TMTC1: variants seen among roughly 807,000 people sequenced by gnomAD.
TMTC1 encodes protein O-mannosyl-transferase TMTC1.
A neutral mutation model predicts 104.8 loss-of-function variants in TMTC1; 73 were observed. The ratio of observed to expected loss-of-function variants is 0.70; its 90% CI spans 0.58 to 0.85. The LOEUF (loss-of-function observed/expected upper bound fraction) is 0.85. Among genes scored for constraint, TMTC1 ranks in the 40% least tolerant of loss-of-function variants. The pLI is 0.00. For missense variants in TMTC1, 1,035 were observed against 1,096.1 expected (o/e 0.94, Z 0.79); for synonymous variants, 434 against 428.7 (o/e 1.01, Z -0.15).
intron 1 of TMTC1, among the ~76,000 whole-genome samples, chr12:29,777,710 T>G (rs1241038507): frequency 6.6e-6 from 1 of 152,206 alleles, no homozygotes; most frequent in East Asian, 1.9e-4. Context: ...AAAGGCAGTT[T>G]TTCATTTTTC....
chr12:29,565,607 G>C (rs1945490164), intron 9 of TMTC1, among the ~76,000 whole-genome samples: 1 of 152,200 alleles, frequency 6.6e-6, no homozygotes, highest in African/African-American at 2.4e-5. Flanking sequence ...AGCACTTTGG[G>C]AGGTCAAGAT....
chr12:29,569,396 T>G (rs1945605783), intron 9 of TMTC1, among the ~76,000 whole-genome samples: 1 of 152,190 alleles, frequency 6.6e-6, no homozygotes, highest in African/African-American at 2.4e-5. Flanking sequence ...TAATGGATAA[T>G]TGCTGGAATT....
chr12:29,665,088 A>G (rs1181490309), intron 5 of TMTC1, among the ~76,000 whole-genome samples: 1 of 152,186 alleles, frequency 6.6e-6, no homozygotes, highest in African/African-American at 2.4e-5. Flanking sequence ...TGATCCTTGG[A>G]TGTTCTCACC....
chr12:29,523,713 T>C (rs979713936), intron 11 of TMTC1, among the ~76,000 whole-genome samples: 3 of 152,176 alleles, frequency 2.0e-5, no homozygotes, highest in Admixed American at 6.5e-5. Flanking sequence ...TTTTTTAGGT[T>C]ATTTTTTTGA....
intron 10 of TMTC1, among the ~76,000 whole-genome samples, chr12:29,538,682 G>C (rs1486865080): frequency 1.3e-5 from 2 of 152,134 alleles, no homozygotes; most frequent in African/African-American, 4.8e-5. Context: ...AAATGCTTGA[G>C]TTTGTCCATG....
intron 5 of TMTC1, among the ~76,000 whole-genome samples, chr12:29,688,606 A>G (rs1402607806): frequency 6.6e-6 from 1 of 152,192 alleles, no homozygotes. Flanking sequence ...GGAATGTCTA[A>G]TCTGGGGCTG....
At chr12:29,694,780 G>A (rs113673360) in intron 5 of TMTC1, among the ~76,000 whole-genome samples, 8,546 of 151,900 alleles carry the variant, frequency 0.056, 333 homozygotes, top group African/African-American at 0.11. Context: ...TCTCTACTAA[G>A]AATACAAAAA....
At chr12:29,758,317 G>A (rs1163995686) in intron 3 of TMTC1, among the ~76,000 whole-genome samples, 1 of 152,120 alleles carries the variant, frequency 6.6e-6, no homozygotes, top group Non-Finnish European at 1.5e-5. Context: ...AAGAGAAAAA[G>A]TATTAGGAAC....
At chr12:29,585,799 T>G (rs1334784722) in intron 7 of TMTC1, among the ~76,000 whole-genome samples, 1 of 152,194 alleles carries the variant, frequency 6.6e-6, no homozygotes, top group Non-Finnish European at 1.5e-5. Flanking sequence ...TTGGTCTATA[T>G]CTCTGTTTTG....
At chr12:29,599,854 A>G (rs948954051) in intron 7 of TMTC1, among the ~76,000 whole-genome samples, 1 of 151,754 alleles carries the variant, frequency 6.6e-6, no homozygotes, top group Non-Finnish European at 1.5e-5. Flanking sequence ...GTGATGATCT[A>G]TATTTTCAGG....
At chr12:29,626,944 T>TA (rs1238514662) in intron 6 of TMTC1, among the ~76,000 whole-genome samples, 1 of 151,780 alleles carries the variant, frequency 6.6e-6, no homozygotes. Flanking sequence ...CTACTAAAAA[T>TA]ACAAAAAATT....
At chr12:29,669,500 C>G (rs1272005609) in intron 5 of TMTC1, among the ~76,000 whole-genome samples, 1 of 152,094 alleles carries the variant, frequency 6.6e-6, no homozygotes, top group African/African-American at 2.4e-5. Flanking sequence ...CCAGCAGCCT[C>G]AAGGGGGACA....
rs1303178165 is a variant in TMTC1, at chr12:29,544,958, T to G, written c.1677-8641A>C. Among the ~76,000 whole-genome samples, 3 of 152,290 alleles carry G rather than the reference T, an allele frequency of 2.0e-5. No individual in the cohort carries two copies. The East Asian group carries it at 5.8e-4, about 29-fold the overall frequency. ...AGGAGCCCCAGTGGCCAAAGAGAAA[T>G]GTGCTTATTATTAAATAATCTCTAC... is the stretch of plus-strand genomic sequence containing the variant. On this transcript the variant is annotated intron_variant, in intron 10 of 17. Coordinates refer to ENST00000539277, the MANE Select transcript of TMTC1 (RefSeq NM_001193451.2).
At chr12:29,523,334 C>T (rs1042813898) in intron 11 of TMTC1, among the ~76,000 whole-genome samples, 5 of 152,256 alleles carry the variant, frequency 3.3e-5, no homozygotes, top group South Asian at 2.1e-4. Context: ...AAAAGGAAAG[C>T]GACTTACAGA....
At chr12:29,741,134 A>G (rs2136943742) in intron 5 of TMTC1, among the ~76,000 whole-genome samples, 1 of 152,364 alleles carries the variant, frequency 6.6e-6, no homozygotes, top group Non-Finnish European at 1.5e-5. Flanking sequence ...AATACATAAA[A>G]CACAAAACTT....
At chr12:29,558,575 T>C (rs1945303804) in intron 9 of TMTC1, among the ~76,000 whole-genome samples, 1 of 152,156 alleles carries the variant, frequency 6.6e-6, no homozygotes, top group African/African-American at 2.4e-5. Context: ...CTAGAATCAA[T>C]TCAAAGGAAT....
chr12:29,711,410 C>T (rs1240039325), intron 5 of TMTC1, among the ~76,000 whole-genome samples: 4 of 152,102 alleles, frequency 2.6e-5, no homozygotes, highest in Admixed American at 1.3e-4. Flanking sequence ...TTGCTTTTAG[C>T]ACTTTGCTTT....
chr12:29,638,894 T>C (rs1938696902), intron 5 of TMTC1, among the ~76,000 whole-genome samples: 1 of 152,208 alleles, frequency 6.6e-6, no homozygotes, highest in Non-Finnish European at 1.5e-5. Context: ...AACTCCTGAA[T>C]TACCATTGAT....
chr12:29,759,269 G>A (rs900260190), intron 2 of TMTC1, among the ~76,000 whole-genome samples: 3 of 152,164 alleles, frequency 2.0e-5, no homozygotes, highest in Non-Finnish European at 2.9e-5. Context: ...GCCGAGGCTG[G>A]CGGAACACTT....
Sources: allele counts gnomAD v4.1 joint callset (sites outside exome capture counted in the v4.1 genomes callset), GRCh38; gene constraint gnomAD v4.1.1; transcripts MANE v1.5; gene names NCBI Gene and HGNC (gene_info 2026-07-23, HGNC 2026-07-21).